Variants in CPAMD8 observed in about 807,000 individuals in gnomAD.
The protein encoded by CPAMD8 is C3 and PZP-like alpha-2-macroglobulin domain-containing protein 8.
A neutral mutation model predicts 224.7 loss-of-function variants in CPAMD8; 146 were observed. The observed-to-expected ratio is 0.65, with a 90% CI of 0.57 to 0.75. The LOEUF is 0.75. Ranked by LOEUF, CPAMD8 falls within the 30% of genes least tolerant of loss-of-function variation. The pLI is 0.00. For missense variants in CPAMD8, 2,301 were observed against 2,537.5 expected, an observed-to-expected ratio of 0.91 and a Z score of 2.00; for synonymous variants, 966 against 1,044.6, an observed-to-expected ratio of 0.92 and a Z score of 1.45.
chr19:16,949,970 C>A (rs944873089), intron 20 of CPAMD8, among the ~76,000 whole-genome samples: 2 of 152,146 alleles, frequency 1.3e-5, no homozygotes, highest in Non-Finnish European at 2.9e-5. Flanking sequence ...CCATCACAGA[C>A]CCTTCTTCCT....
At chr19:16,978,501 A>T (rs533137934) in intron 14 of CPAMD8, among the ~76,000 whole-genome samples, 1 of 152,302 alleles carries the variant, frequency 6.6e-6, no homozygotes, top group African/African-American at 2.4e-5. Flanking sequence ...AAGGTGCACC[A>T]TGCCCAAAGC....
At chr19:17,010,044 G>C (rs756366832) in intron 5 of CPAMD8, among the ~76,000 whole-genome samples, 3 of 152,116 alleles carry the variant, frequency 2.0e-5, no homozygotes, top group Non-Finnish European at 2.9e-5. Flanking sequence ...ACACAGAAAG[G>C]CAGTGAGGAA....
intron 40 of CPAMD8, 25 bp from the exon 41 acceptor site, chr19:16,896,351 G>C: frequency 6.3e-7 from 1 of 1,578,594 alleles, no homozygotes. Context: ...GCCTCGGTCG[G>C]GAGGGCGTGG....
At chr19:16,906,836 A>C (rs2052536177) in intron 30 of CPAMD8, 116 bp downstream of exon 30, 1 of 1,043,856 alleles carries the variant, frequency 9.6e-7, no homozygotes, top group Admixed American at 2.2e-5. Flanking sequence ...CAGCCTCCTG[A>C]GTAGCTGGGA....
chr19:16,896,859 AC>A (rs1370049124), intron 39 of CPAMD8, 194 bp from the exon 40 acceptor site: 3 of 409,964 alleles, frequency 7.3e-6, no homozygotes, highest in Non-Finnish European at 1.3e-5. Flanking sequence ...CCTAATACTT[AC>A]AAAAACAGAA....
At chr19:16,954,678 A>G (rs531348362) in intron 19 of CPAMD8, among the ~76,000 whole-genome samples, 30 of 152,318 alleles carry the variant, frequency 2.0e-4, no homozygotes, top group Non-Finnish European at 3.8e-4. Context: ...GCAATAGGAT[A>G]TTATTCAACC....
Position 16,897,736 on chromosome 19 carries a change from C to T in CPAMD8, c.5020G>A (p.Gly1674Arg). 6.4e-7 allele frequency: 1 copy of T among 1,573,374 alleles called. No individual in the cohort carries two copies. The highest frequency in any genetic ancestry group is 1.2e-5 in the South Asian group (1 of 85,686). Residue 1674 changes from glycine to arginine, a missense_variant, in exon 39 of 42, where the codon GGA (glycine) becomes AGA (arginine). Physicochemically the swap from Gly to Arg is moderately radical, Grantham distance 125 (BLOSUM62 -2). Transcript: ENST00000443236. ...HSPLARELCA[G>R]PACNEVERAP... ...CGCTCCACTTCGTTGCACGCGGGTC[C>T]GGCGCACAGTTCCCGGGCGAGTGGG...
intron 20 of CPAMD8, among the ~76,000 whole-genome samples, chr19:16,947,496 A>G (rs1418985794): frequency 6.6e-6 from 1 of 151,978 alleles, no homozygotes; most frequent in African/African-American, 2.4e-5. Context: ...ACAGGTCCAG[A>G]TCTCCCATGG....
At chr19:16,909,111 C>T (rs1480258705) in intron 29 of CPAMD8, among the ~76,000 whole-genome samples, 2 of 152,094 alleles carry the variant, frequency 1.3e-5, no homozygotes, top group Admixed American at 1.3e-4. Flanking sequence ...TGAACGGTGG[C>T]CCACCAAAAA....
intron 3 of CPAMD8, among the ~76,000 whole-genome samples, chr19:17,019,942 CCAATT>C (rs2056908631): frequency 6.7e-6 from 1 of 150,132 alleles, no homozygotes; most frequent in African/African-American, 2.4e-5. Flanking sequence ...TTATTCCATC[CCAATT>C]CAATTCTTTT....
chr19:16,925,286 C>A lies in CPAMD8; in HGVS notation c.3457G>T (p.Ala1153Ser), dbSNP rs776440012. 1.9e-6 allele frequency: 3 copies of A among 1,614,226 alleles called. No homozygotes were observed. Among genetic ancestry groups the A allele is most frequent in the Non-Finnish European group, 2.5e-6 (3 of 1,180,036 alleles). ...TACTTCAAGACAAAGACGTTGGGTG[C>A]AAAGTGGATCATGTTCTGCTCTCCA... ...GCGEQNMIHF[A>S]PNVFVLKYLQ... Residue 1153 changes from alanine to serine, a missense_variant, in exon 26 of 42, where the codon GCA becomes TCA. Coordinates refer to ENST00000443236, the MANE Select transcript of CPAMD8 (RefSeq NM_015692.5).
At chr19:17,008,676 T>A (rs555869299) in intron 6 of CPAMD8, 117 bp from the exon 7 acceptor site, 8 of 1,157,566 alleles carry the variant, frequency 6.9e-6, no homozygotes, top group Middle Eastern at 1.9e-4. Flanking sequence ...GCAGCGAAGG[T>A]CCCAAGATTA....
chr19:16,993,623 C>G (rs145646084), intron 11 of CPAMD8, 37 bp from the exon 12 acceptor site: 6 of 1,594,758 alleles, frequency 3.8e-6, no homozygotes, highest in Non-Finnish European at 4.3e-6. Flanking sequence ...AGAGTTAAGA[C>G]GGCCATGCTC....
intron 41 of CPAMD8, chr19:16,893,754 C>G (rs914412980): frequency 2.3e-5 from 4 of 174,988 alleles, no homozygotes; most frequent in Non-Finnish European, 2.4e-5. Flanking sequence ...CGGGGTCACC[C>G]AGCCCCGGCA....
At chr19:16,930,039 GA>G (rs1599723180) in intron 23 of CPAMD8, among the ~76,000 whole-genome samples, 2 of 152,136 alleles carry the variant, frequency 1.3e-5, no homozygotes, top group East Asian at 3.9e-4. Flanking sequence ...TGGACCACCT[GA>G]GATCAGGAGT....
chr19:17,003,778 C>CA (rs1318753832), intron 8 of CPAMD8, among the ~76,000 whole-genome samples: 1,777 of 111,962 alleles, frequency 0.016, 28 homozygotes, highest in African/African-American at 0.051. Flanking sequence ...AACCCTGCCT[C>CA]AAAAAAAAAA....
chr19:16,916,365 A>G (rs1030888025), intron 27 of CPAMD8, among the ~76,000 whole-genome samples: 2 of 151,926 alleles, frequency 1.3e-5, no homozygotes, highest in Non-Finnish European at 2.9e-5. Flanking sequence ...CCTCCTGAGT[A>G]GCTGGGATTA....
intron 26 of CPAMD8, among the ~76,000 whole-genome samples, chr19:16,922,576 G>C (rs1402621363): frequency 1.3e-5 from 2 of 149,658 alleles, no homozygotes; most frequent in African/African-American, 5.0e-5. Flanking sequence ...CAGCACATCT[G>C]GGGTCCCCGA....
rs2055257614 is a variant in CPAMD8, at chr19:16,976,083, T to G, written c.1827A>C (p.Ala609=). The change falls in exon 16 of 42, where the codon GCA becomes GCC. Residue 609 remains alanine (A), a synonymous_variant. Coordinates refer to ENST00000443236, the MANE Select transcript of CPAMD8 (RefSeq NM_015692.5). ...GEVVDLRIRA[A]RGSCVCVAAV... ...CGGCGACGCACACACAGCTGCCCCTTGCAGCCCTGATCCGCAGGTCGACAA... is the reference window on the plus strand; with the variant it reads ...CGGCGACGCACACACAGCTGCCCCTGGCAGCCCTGATCCGCAGGTCGACAA... The G allele has an allele frequency of 1.9e-6, 3 of 1,612,736 alleles. No individual in the cohort carries two copies. Among genetic ancestry groups the G allele is most frequent in the Non-Finnish European group, 2.5e-6 (3 of 1,179,148 alleles).
Sources: gnomAD v4.1 joint callset for allele counts (sites outside exome capture counted in the v4.1 genomes callset) on GRCh38, gnomAD v4.1.1 for gene constraint, MANE v1.5 for transcripts, NCBI Gene and HGNC (gene_info 2026-07-23, HGNC 2026-07-21) for gene names.